The following MRPL12 variants were observed in gnomAD, a reference collection of about 807,000 sequenced individuals.
MRPL12 encodes the protein large ribosomal subunit protein bL12m.
In MRPL12, 13 loss-of-function variants were observed where a neutral mutation model predicts 21.1. The ratio of observed to expected loss-of-function variants is 0.62; its 90% CI spans 0.40 to 0.98. The LOEUF (loss-of-function observed/expected upper bound fraction) is 0.98, where lower values mean the gene tolerates loss of function less well. Among genes scored for constraint, MRPL12 ranks in the 50% least tolerant of loss-of-function variants. The probability of loss-of-function intolerance (pLI) is 0.00; values close to 1 mark genes in which losing one functional copy is unlikely to be tolerated. For synonymous variants in MRPL12, 126 were observed against 115.3 expected (o/e 1.09, Z -0.60); for missense variants, 251 against 268.6 (o/e 0.93, Z 0.46).
rs773132350 is a variant in MRPL12, at chr17:81,704,696, C to T, written c.325C>T (p.Pro109Ser). ...GGGTGGTGTGATGTCTGGGGCTGTC[C>T]CTGCTGCAGCAGCCCAGGAGGTGAG... Reference protein sequence around the residue: ...PMGGVMSGAVPAAAAQEAVEE... With the variant: ...PMGGVMSGAVSAAAAQEAVEE... The change falls in exon 3 of 5, where the codon CCT (proline) becomes TCT (serine). Residue 109 changes from proline to serine, a missense_variant. Physicochemically the swap from Pro to Ser is moderately conservative, Grantham distance 74 (BLOSUM62 -1). Coordinates refer to ENST00000333676, the MANE Select transcript of MRPL12 (RefSeq NM_002949.4). 1 of 1,613,462 alleles carries T rather than the reference C, an allele frequency of 6.2e-7. No homozygotes were observed. The highest frequency in any genetic ancestry group is 1.1e-5 in the South Asian group (1 of 91,032).
chr17:81,704,217 T>C, intron 1 of MRPL12, 27 bp from the exon 2 acceptor site: 1 of 1,585,932 alleles, frequency 6.3e-7, no homozygotes, highest in East Asian at 2.2e-5. Flanking sequence ...GACTGACAAG[T>C]CTGTTTTAAT....
rs183132128 is a variant in MRPL12, at chr17:81,705,568, G to A, written c.345+852G>A. On this transcript the variant is annotated intron_variant, in intron 3 of 4. Coordinates refer to ENST00000333676, the MANE Select transcript of MRPL12 (RefSeq NM_002949.4). ...TAGAAGAGAGCACGGCCTTCCTGGC[G>A]GAGGACGGGGAGGCACCAAGGTCAC... is the stretch of plus-strand genomic sequence containing the variant. 3.1e-4 allele frequency among the ~76,000 whole-genome samples: 47 copies of A among 152,268 alleles called. No individual in the cohort carries two copies. In the East Asian group the frequency reaches 6.0e-3, roughly 19 times the overall value.
chr17:81,705,079 A>T (rs2037300333), intron 3 of MRPL12, among the ~76,000 whole-genome samples: 2 of 149,954 alleles, frequency 1.3e-5, no homozygotes, highest in African/African-American at 4.9e-5. Flanking sequence ...TACTAAAAAT[A>T]CAAAAAAAAA....
At chr17:81,706,721 G>T (rs535179683) in intron 3 of MRPL12, among the ~76,000 whole-genome samples, 185 bp from the exon 4 acceptor site, 1 of 152,118 alleles carries the variant, frequency 6.6e-6, no homozygotes, top group Non-Finnish European at 1.5e-5. Flanking sequence ...AAAGAGAAAA[G>T]AAAAGAAAAA....
chr17:81,706,179 G>A (rs1325254418), intron 3 of MRPL12, among the ~76,000 whole-genome samples: 1 of 152,200 alleles, frequency 6.6e-6, no homozygotes, highest in Non-Finnish European at 1.5e-5. Context: ...AGCACTTTTG[G>A]TGTCGTTCTT....
intron 3 of MRPL12, among the ~76,000 whole-genome samples, chr17:81,705,248 C>G (rs575271553): frequency 2.7e-5 from 4 of 148,484 alleles, no homozygotes; most frequent in African/African-American, 5.0e-5. Flanking sequence ...AAAAATTAGC[C>G]GGCGTGGTGG....
chr17:81,706,208 G>A (rs547192674), intron 3 of MRPL12, among the ~76,000 whole-genome samples: 1 of 152,288 alleles, frequency 6.6e-6, no homozygotes, highest in South Asian at 2.1e-4. Flanking sequence ...CATAAGTTAC[G>A]CTTTCTAAGC....
At chr17:81,705,923 G>C (rs2037308995) in intron 3 of MRPL12, among the ~76,000 whole-genome samples, 1 of 152,246 alleles carries the variant, frequency 6.6e-6, no homozygotes, top group Admixed American at 6.5e-5. Flanking sequence ...GTTTGGGTAA[G>C]AATAGCTGGG....
chr17:81,704,848 CAGCCTCCTGG>C, intron 3 of MRPL12, 132 bp downstream of exon 3: 1 of 765,228 alleles, frequency 1.3e-6, no homozygotes. Context: ...CGGCATCCTG[CAGCCTCCTGG>C]GACCTACTCC....
chr17:81,703,851 C>A (rs1490113925), intron 1 of MRPL12, among the ~76,000 whole-genome samples: 2 of 152,232 alleles, frequency 1.3e-5, no homozygotes, highest in African/African-American at 4.8e-5. Context: ...AAAGGCCCAT[C>A]CGTGGGTGCG....
chr17:81,705,408 AAAAG>A (rs1293607834), intron 3 of MRPL12, among the ~76,000 whole-genome samples: 1 of 150,284 alleles, frequency 6.7e-6, no homozygotes, highest in Admixed American at 6.6e-5. Flanking sequence ...AAAAAAAAAA[AAAAG>A]AGGAAAAAGA....
rs1011759519 is a variant in MRPL12, at chr17:81,703,525, C to T, written c.24C>T (p.Pro8=). Residue 8 remains proline (P), a synonymous_variant, in exon 1 of 5, where the codon CCC becomes CCT. Transcript: ENST00000333676. ...CGATGCTGCCGGCGGCCGCTCGCCC[C>T]CTGTGGGGGCCTTGCCTTGGGCTTC... MLPAAAR[P]LWGPCLGLRA... The T allele has an allele frequency of 9.5e-6, 14 of 1,480,814 alleles. No individual in the cohort carries two copies. The highest frequency in any genetic ancestry group is 2.1e-4 in the Middle Eastern group (1 of 4,830). 91.7% of individuals were successfully genotyped at this position (1,480,814 alleles called of 1,614,324 possible).
intron 1 of MRPL12, among the ~76,000 whole-genome samples, 176 bp from the exon 2 acceptor site, chr17:81,704,068 C>T (rs1208332645): frequency 1.3e-5 from 2 of 152,202 alleles, no homozygotes; most frequent in Non-Finnish European, 2.9e-5. Flanking sequence ...ATACGGACCC[C>T]TTGAGGTCTG....
intron 3 of MRPL12, 150 bp from the exon 4 acceptor site, chr17:81,706,756 A>T: frequency 1.3e-6 from 1 of 789,496 alleles, no homozygotes; most frequent in Non-Finnish European, 2.0e-6. Flanking sequence ...AGGATTGATG[A>T]GTTGGGAGAC....
chr17:81,703,886 T>G (rs753982111), intron 1 of MRPL12, among the ~76,000 whole-genome samples: 2 of 152,114 alleles, frequency 1.3e-5, no homozygotes, highest in Non-Finnish European at 2.9e-5. Flanking sequence ...GGGGCCCCCA[T>G]GTTTTGGGAG....
intron 4 of MRPL12, 30 bp from the exon 5 acceptor site, chr17:81,707,094 C>T (rs370361607): frequency 6.2e-7 from 1 of 1,613,874 alleles, no homozygotes; most frequent in Non-Finnish European, 8.5e-7. Context: ...GGCCAGGGCC[C>T]CCAGTCCCTG....
rs540188935 is a variant in MRPL12, at chr17:81,704,989, C to T, written c.345+273C>T. On this transcript the variant is annotated intron_variant, in intron 3 of 4. Transcript: ENST00000333676. ...GTGGCTCACGCCTGTAATCCCAGCGCTTCGGGAGGCCGAGACGGGTGGATC... is the reference window on the plus strand; with the variant it reads ...GTGGCTCACGCCTGTAATCCCAGCGTTTCGGGAGGCCGAGACGGGTGGATC... 2.0e-5 allele frequency among the ~76,000 whole-genome samples: 3 copies of T among 151,304 alleles called. No individual in the cohort carries two copies. The East Asian group carries it at 5.9e-4, about 30-fold the overall frequency.
In MRPL12 at chr17:81,703,445, G is replaced by A; in HGVS notation, c.-57G>A. The stretch of plus-strand genomic sequence containing the variant: ...AGCTCGAATGCCCGGCGGCCGAGGC[G>A]GCTAGAGCGTCGCCTCCTCCCGGGG... On this transcript the variant is annotated 5_prime_UTR_variant, in exon 1 of 5. Coordinates refer to ENST00000333676, the MANE Select transcript of MRPL12 (RefSeq NM_002949.4). 1 of 1,434,106 alleles carries A rather than the reference G, an allele frequency of 7.0e-7. No homozygotes were observed. The highest frequency in any genetic ancestry group is 9.2e-7 in the Non-Finnish European group (1 of 1,084,630). The allele number at this position is 1,434,106 out of a possible 1,614,324, so 88.8% of individuals were successfully genotyped here. A position where few individuals can be genotyped will look rare whatever the true frequency, so the allele number is the denominator to read the frequency against.
Position 81,707,142 on chromosome 17 carries a change from T to TCC in MRPL12, c.501_502dup (p.Leu168ProfsTer98), listed in dbSNP as rs1279927713. 1 of 1,613,704 alleles carries TCC rather than the reference T, an allele frequency of 6.2e-7. No homozygotes were observed. Among genetic ancestry groups the TCC allele is most frequent in the Non-Finnish European group, 8.5e-7 (1 of 1,179,928 alleles). ...CTGGCAGGCAAAGAAGCTGGTGGAG[T>TCC]CCCTGCCCCAGGAAATCAAAGCCAA... On this transcript the variant is annotated frameshift_variant, in exon 5 of 5. Transcript: ENST00000333676. LOFTEE classifies it high-confidence loss of function.
Sources: allele counts gnomAD v4.1 joint callset (sites outside exome capture counted in the v4.1 genomes callset), GRCh38; gene constraint gnomAD v4.1.1; transcripts MANE v1.5; gene names NCBI Gene and HGNC (gene_info 2026-07-23, HGNC 2026-07-21).